The following MED15 variants were observed in gnomAD, a reference collection of about 807,000 sequenced individuals.
MED15 encodes the protein mediator complex subunit 15, also known as mediator of RNA polymerase II transcription subunit 15.
In MED15, 41 loss-of-function variants were observed where a neutral mutation model predicts 118.7. That is an observed-to-expected ratio of 0.35 (90% confidence interval 0.27 to 0.45). The LOEUF is 0.45. MED15 is among the 20% of genes least tolerant of loss of function. The pLI, the probability that MED15 is intolerant of heterozygous loss-of-function variation, is 1.00. For synonymous variants in MED15, 436 were observed against 413.9 expected (o/e 1.05, Z -0.65); for missense variants, 740 against 1,025.5 (o/e 0.72, Z 3.80).
Position 20,575,043 on chromosome 22 carries a change from C to T in MED15, c.1153-70C>T, listed in dbSNP as rs559024955. On this transcript the variant is annotated intron_variant, in intron 8 of 17. Transcript: ENST00000263205. ...CCTTCTTGCAGAGGCTACACGTGCC[C>T]TCTCCACCTGCCCAGGCACTGAGTT... 74 of 1,600,816 alleles carry T rather than the reference C, an allele frequency of 4.6e-5. No individual in the cohort carries two copies. In the East Asian group the frequency reaches 1.7e-3, roughly 36 times the overall value.
Position 20,512,867 on chromosome 22 carries a change from G to A in MED15, c.68+5121G>A, listed in dbSNP as rs1304145655. Among the ~76,000 whole-genome samples, 3 of 151,166 alleles carry A rather than the reference G, an allele frequency of 2.0e-5. No homozygotes were observed. In the East Asian group the frequency reaches 5.9e-4, roughly 30 times the overall value. Reference sequence around the variant, plus strand: ...AGCGATTCTCCTGCCTCAGCCTCCCGAATAGCTGGGGTTACAGGCATGCGC... The same window carrying A: ...AGCGATTCTCCTGCCTCAGCCTCCCAAATAGCTGGGGTTACAGGCATGCGC... On this transcript the variant is annotated intron_variant, in intron 1 of 17. Coordinates refer to ENST00000263205, the MANE Select transcript of MED15 (RefSeq NM_001003891.3).
At chr22:20,550,366 A>G (rs1297530267) in intron 2 of MED15, among the ~76,000 whole-genome samples, 1 of 152,098 alleles carries the variant, frequency 6.6e-6, no homozygotes, top group Non-Finnish European at 1.5e-5. Flanking sequence ...TTTCTTCTTC[A>G]TGTTGTCCTG....
In MED15 at chr22:20,545,473, CAA is replaced by C. The variant is rs56307139; in HGVS notation, c.157-5944_157-5943del. ...TGTGTGACAGAGCGAGACTCCACCT[CAA>C]AAAAAAAAAAAAAAAAAAGAAACAA... On this transcript the variant is annotated intron_variant, in intron 2 of 17. Transcript: ENST00000263205. Among the ~76,000 whole-genome samples the C allele has an allele frequency of 4.1e-3, 370 of 90,096 alleles. 3 individuals are homozygous for C. The highest frequency in any genetic ancestry group is 0.012 in the South Asian group (33 of 2,724). 59.1% of individuals were successfully genotyped at this position (90,096 alleles called of 152,430 possible). A position where few individuals can be genotyped will look rare whatever the true frequency, so the allele number is the denominator to read the frequency against.
intron 8 of MED15, chr22:20,573,894 T>C (rs1396158248): frequency 1.3e-5 from 2 of 152,164 alleles, no homozygotes; most frequent in African/African-American, 4.8e-5. Context: ...CTGGGGTCGC[T>C]CCTTCGTGTC....
intron 9 of MED15, among the ~76,000 whole-genome samples, chr22:20,578,655 A>G (rs1274775208): frequency 6.6e-6 from 1 of 151,858 alleles, no homozygotes; most frequent in East Asian, 1.9e-4. Flanking sequence ...GAATTGCCCC[A>G]CTGTGTCCCA....
chr22:20,558,139 A>C (rs1311117461), intron 5 of MED15, among the ~76,000 whole-genome samples: 1 of 152,096 alleles, frequency 6.6e-6, no homozygotes, highest in Non-Finnish European at 1.5e-5. Flanking sequence ...TGGATTCTCT[A>C]CTTCAGGATC....
At chr22:20,519,423 CTTATTTTGAGGGTGTTT>C (rs1485278163) in intron 1 of MED15, among the ~76,000 whole-genome samples, 2 of 149,340 alleles carry the variant, frequency 1.3e-5, no homozygotes, top group African/African-American at 5.0e-5. Context: ...CCCATGTCTC[CTTATTTTGAGGGTGTTT>C]TTTTTTTTTT....
intron 2 of MED15, among the ~76,000 whole-genome samples, chr22:20,550,197 G>A (rs774649492): frequency 8.5e-5 from 13 of 152,054 alleles, no homozygotes; most frequent in Non-Finnish European, 1.5e-4. Context: ...GTCCTTCAGG[G>A]ACAGGCTGCC....
chr22:20,564,477 T>TGCAGCA lies in MED15; in HGVS notation c.489_494dup (p.Gln167_Gln168dup), dbSNP rs1251108463. On this transcript the variant is annotated inframe_insertion, in exon 6 of 18. Transcript: ENST00000263205. Reference sequence around the variant, plus strand: ...CAGCTGCAGCTCCAGCAGGTGGCGCTGCAGCAGCAGCAGCAACAGCAGCAG... The same window carrying TGCAGCA: ...CAGCTGCAGCTCCAGCAGGTGGCGCTGCAGCAGCAGCAGCAGCAGCAACAGCAGCAG... 3 of 1,612,556 alleles carry TGCAGCA rather than the reference T, an allele frequency of 1.9e-6. No individual in the cohort carries two copies. Among genetic ancestry groups the TGCAGCA allele is most frequent in the East Asian group, 2.2e-5 (1 of 44,858 alleles).
intron 5 of MED15, 92 bp from the exon 6 acceptor site, chr22:20,564,358 T>C: frequency 6.4e-7 from 1 of 1,552,000 alleles, no homozygotes; most frequent in Non-Finnish European, 8.7e-7. Flanking sequence ...CAGTGGGGCT[T>C]TTGCTGGCTG....
At chr22:20,569,720 C>T (rs1315085368) in intron 8 of MED15, among the ~76,000 whole-genome samples, 1 of 152,160 alleles carries the variant, frequency 6.6e-6, no homozygotes, top group Non-Finnish European at 1.5e-5. Flanking sequence ...GCCAGGGTCC[C>T]CATGTCACAT....
intron 8 of MED15, among the ~76,000 whole-genome samples, chr22:20,569,527 C>T (rs763437767): frequency 1.6e-4 from 24 of 152,294 alleles, no homozygotes; most frequent in African/African-American, 5.1e-4. Flanking sequence ...CTGGGCGCAG[C>T]GCCTGGGTGC....
chr22:20,527,592 C>T (rs2054695568), intron 1 of MED15, among the ~76,000 whole-genome samples: 2 of 152,074 alleles, frequency 1.3e-5, no homozygotes, highest in South Asian at 2.1e-4. Context: ...CAGGCATGCA[C>T]CACCACTCCT....
chr22:20,523,604 G>A (rs1405653027), intron 1 of MED15: 2 of 963,798 alleles, frequency 2.1e-6, no homozygotes, highest in African/African-American at 3.5e-5. Flanking sequence ...ACAGAGCCAT[G>A]TGAGATCAGC....
At chr22:20,537,536 A>C (rs569486722) in intron 2 of MED15, among the ~76,000 whole-genome samples, 7 of 152,286 alleles carry the variant, frequency 4.6e-5, no homozygotes, top group Admixed American at 1.3e-4. Context: ...GTGAGCAAGA[A>C]CCTGGTTTGT....
In MED15 at chr22:20,509,742, T is replaced by G. The variant is rs934401449; in HGVS notation, c.68+1996T>G. On this transcript the variant is annotated intron_variant, in intron 1 of 17. Transcript: ENST00000263205. ...ATTTCTGGGGATATTGCACAATCAGTGAACAGTGTTTTACTGATAAAATAT... is the reference window on the plus strand; with the variant it reads ...ATTTCTGGGGATATTGCACAATCAGGGAACAGTGTTTTACTGATAAAATAT... Among the ~76,000 whole-genome samples the G allele has an allele frequency of 2.6e-5, 4 of 152,116 alleles. No homozygotes were observed. In the East Asian group the frequency reaches 7.7e-4, roughly 29 times the overall value.
intron 8 of MED15, among the ~76,000 whole-genome samples, chr22:20,573,394 A>G (rs553790631): frequency 1.3e-5 from 2 of 152,212 alleles, no homozygotes; most frequent in Non-Finnish European, 2.9e-5. Context: ...CATTGTGGAC[A>G]TGTATGTGGC....
At chr22:20,543,169 T>G (rs2055381706) in intron 2 of MED15, among the ~76,000 whole-genome samples, 1 of 150,178 alleles carries the variant, frequency 6.7e-6, no homozygotes, top group Admixed American at 6.7e-5. Flanking sequence ...AAAATTCTTT[T>G]TATTGTACCC....
intron 5 of MED15, among the ~76,000 whole-genome samples, chr22:20,563,817 G>A (rs2056330311): frequency 6.6e-6 from 1 of 152,200 alleles, no homozygotes; most frequent in African/African-American, 2.4e-5. Flanking sequence ...CCACTCGGTA[G>A]GTTTTAGTGT....
Sources: gnomAD v4.1 joint callset for allele counts (sites outside exome capture counted in the v4.1 genomes callset) on GRCh38, gnomAD v4.1.1 for gene constraint, MANE v1.5 for transcripts, NCBI Gene and HGNC (gene_info 2026-07-23, HGNC 2026-07-21) for gene names.